The following RAVER1 variants were observed in gnomAD, a reference collection of about 807,000 sequenced individuals.
The protein encoded by RAVER1 is ribonucleoprotein, PTB binding 1.
A neutral mutation model predicts 68.4 loss-of-function variants in RAVER1; 36 were observed. That is an observed-to-expected ratio of 0.53 (90% CI 0.40 to 0.70). The LOEUF (loss-of-function observed/expected upper bound fraction) is 0.70, where lower values mean the gene tolerates loss of function less well. Among genes scored for constraint, RAVER1 ranks in the 30% least tolerant of loss-of-function variants. The pLI is 0.00. For missense variants in RAVER1, 933 were observed against 1,019.8 expected, an observed-to-expected ratio of 0.91 and a Z score of 1.16; for synonymous variants, 469 against 472.7, an observed-to-expected ratio of 0.99 and a Z score of 0.10.
chr19:10,318,382 A>G lies in RAVER1; in HGVS notation c.1846-10T>C, dbSNP rs1268002262. The G allele has an allele frequency of 4.4e-6, 7 of 1,589,394 alleles. No individual in the cohort carries two copies. The African/African-American group carries it at 9.5e-5, about 22-fold the overall frequency. ...TGGGCGGGGGGGACATCTGTAGAAG[A>G]AGGGCCGGTGGAGTGAAGCAGACAA... is the stretch of plus-strand genomic sequence containing the variant. On this transcript the variant is annotated splice_polypyrimidine_tract_variant and intron_variant, in intron 10 of 12. Coordinates refer to ENST00000617231, the MANE Select transcript of RAVER1 (RefSeq NM_133452.3).
intron 10 of RAVER1, among the ~76,000 whole-genome samples, chr19:10,318,905 T>TA (rs1451296932): frequency 5.3e-5 from 8 of 152,096 alleles, no homozygotes; most frequent in African/African-American, 1.9e-4. Flanking sequence ...CCTGGCATGG[T>TA]ATGGTGGCTC....
At chr19:10,318,847 G>C (rs1323957783) in intron 10 of RAVER1, among the ~76,000 whole-genome samples, 1 of 152,204 alleles carries the variant, frequency 6.6e-6, no homozygotes, top group Non-Finnish European at 1.5e-5. Context: ...CCAGGTGAGT[G>C]CCGGGGACCG....
chr19:10,319,416 C>T (rs1159958448), intron 9 of RAVER1, among the ~76,000 whole-genome samples, 176 bp from the exon 10 acceptor site: 1 of 152,234 alleles, frequency 6.6e-6, no homozygotes, highest in African/African-American at 2.4e-5. Context: ...AAGGGGGGTG[C>T]CCCCCATGGG....
At position 10,322,787 on chromosome 19, in the gene RAVER1, G is replaced by C; in HGVS notation, c.1079-48C>G. 2.6e-6 allele frequency: 3 copies of C among 1,145,598 alleles called. No homozygotes were observed. Among genetic ancestry groups the C allele is most frequent in the Non-Finnish European group, 3.5e-6 (3 of 846,838 alleles). 71.0% of individuals were successfully genotyped at this position (1,145,598 alleles called of 1,614,324 possible). The stretch of plus-strand genomic sequence containing the variant: ...GTGTGGGGGTCCCTGTGTCCTCCCT[G>C]CCCCACCTCACGAAACACAGCCCTG... On this transcript the variant is annotated intron_variant, in intron 5 of 12. Transcript: ENST00000617231. This position sits in a 1 kb window ranked among gnomAD's most constrained non-coding sequence, Gnocchi z 4.3.
rs1171709414 is a variant in RAVER1, at chr19:10,331,393, C to CAAAAAAAA, written c.220-875_220-868dup. ...AAAAAAAAAAAAAAAATAACAACAA[C>CAAAAAAAA]AAAAAAAAAAAAAAAAAAAGAGGCC... On this transcript the variant is annotated intron_variant, in intron 1 of 12. Coordinates refer to ENST00000617231, the MANE Select transcript of RAVER1 (RefSeq NM_133452.3). Among the ~76,000 whole-genome samples the CAAAAAAAA allele has an allele frequency of 2.3e-4, 11 of 48,512 alleles. 1 individual carries two copies. Among genetic ancestry groups the CAAAAAAAA allele is most frequent in the African/African-American group, 8.3e-4 (9 of 10,800 alleles). The allele number at this position is 48,512 out of a possible 152,430, so 31.8% of individuals were successfully genotyped here. A position where few individuals can be genotyped will look rare whatever the true frequency, so the allele number is the denominator to read the frequency against.
rs2040394929 is a variant in RAVER1 at position 10,317,060 on chromosome 19, AAG to A, written c.*392_*393del. 4.2e-6 allele frequency: 1 copy of A among 236,134 alleles called. No homozygotes were observed. The highest frequency in any genetic ancestry group is 2.4e-5 in the African/African-American group (1 of 42,302). The allele number at this position is 236,134 out of a possible 1,614,324, so 14.6% of individuals were successfully genotyped here. On this transcript the variant is annotated 3_prime_UTR_variant, in exon 13 of 13. Coordinates refer to ENST00000617231, the MANE Select transcript of RAVER1 (RefSeq NM_133452.3). This position sits in a 1 kb window ranked among gnomAD's most constrained non-coding sequence, Gnocchi z 4.3. ...AAGTCAGTTGTCAAAGTTAAAAAAA[AAG>A]GAGACAGTCTCTGTATCTTCACGGG...
In RAVER1 at chr19:10,322,851, G is replaced by A. The variant is rs75285055; in HGVS notation, c.1079-112C>T. The A allele has an allele frequency of 1.8e-4, 108 of 615,130 alleles. 1 individual carries two copies. Among genetic ancestry groups the A allele is most frequent in the Non-Finnish European group, 2.4e-4 (88 of 373,498 alleles). The allele number at this position is 615,130 out of a possible 1,614,324, so 38.1% of individuals were successfully genotyped here. Reference sequence around the variant, plus strand: ...GGCAGGAAACTGACACTCTGGGGCCGGGGGGTGGGCAGTGGACTTGCCCAA... The same window carrying A: ...GGCAGGAAACTGACACTCTGGGGCCAGGGGGTGGGCAGTGGACTTGCCCAA... On this transcript the variant is annotated intron_variant, in intron 5 of 12. Transcript: ENST00000617231. This position sits in a 1 kb window ranked among gnomAD's most constrained non-coding sequence, Gnocchi z 4.3.
chr19:10,320,876 G>A lies in RAVER1; in HGVS notation c.1549C>T (p.Pro517Ser). 1 of 1,512,966 alleles carries A rather than the reference G, an allele frequency of 6.6e-7. No individual in the cohort carries two copies. Among genetic ancestry groups the A allele is most frequent in the Non-Finnish European group, 8.8e-7 (1 of 1,137,108 alleles). 93.7% of individuals were successfully genotyped at this position (1,512,966 alleles called of 1,614,324 possible). A position where few individuals can be genotyped will look rare whatever the true frequency, so the allele number is the denominator to read the frequency against. ...NPYLNLHSLL[P>S]ASNLAGKEAR... ...TCCTTACCCGCCAGGTTGCTGGCCG[G>A]GAGCAGGCTGTGTAGGTTCAGGTAG... Residue 517 changes from proline (P) to serine (S), a missense_variant, in exon 9 of 13, where the codon CCG becomes TCG. Transcript: ENST00000617231.
At position 10,316,561 on chromosome 19, in the gene RAVER1, A is replaced by G. The variant is rs965355457; in HGVS notation, c.*893T>C. 4.1e-6 allele frequency: 4 copies of G among 986,616 alleles called. No individual in the cohort carries two copies. Among genetic ancestry groups the G allele is most frequent in the Admixed American group, 6.2e-5 (1 of 16,246 alleles). 61.1% of individuals were successfully genotyped at this position (986,616 alleles called of 1,614,324 possible). A position where few individuals can be genotyped will look rare whatever the true frequency, so the allele number is the denominator to read the frequency against. ...CTCCGGGAGATGGGCACAATGTCCG[A>G]CTCCCACAGACAGACAGCAGGGGAC... is the stretch of plus-strand genomic sequence containing the variant. On this transcript the variant is annotated 3_prime_UTR_variant, in exon 13 of 13. Coordinates refer to ENST00000617231, the MANE Select transcript of RAVER1 (RefSeq NM_133452.3).
rs369177875 is a variant in RAVER1, at chr19:10,317,720, G to A, written c.2043C>T (p.Pro681=). 6.9e-6 allele frequency: 11 copies of A among 1,595,170 alleles called. No homozygotes were observed. The highest frequency in any genetic ancestry group is 2.3e-5 in the East Asian group (1 of 44,268). The change falls in exon 12 of 13, where the codon CCC becomes CCT. Residue 681 remains proline (P), a synonymous_variant. Coordinates refer to ENST00000617231, the MANE Select transcript of RAVER1 (RefSeq NM_133452.3). The surrounding 1 kb of genome is among the most constrained non-coding windows in gnomAD (Gnocchi z 4.3). ...GCAGGTGGCTGTGACCATTAGGCCC[G>A]GGGCTGAGGCCCAGGAGCCCTTCTC... ...GSGEGLLGLS[P]GPNGHSHLLK...
intron 2 of RAVER1, 73 bp downstream of exon 2, chr19:10,330,387 G>C (rs2040505479): frequency 2.7e-6 from 2 of 747,862 alleles, no homozygotes; most frequent in Non-Finnish European, 4.8e-6. Context: ...CAGAGCAGCA[G>C]ACAGTGAGCC....
Position 10,318,253 on chromosome 19 carries a change from G to A in RAVER1, c.1965C>T (p.Gly655=). 6.2e-7 allele frequency: 1 copy of A among 1,605,962 alleles called. No homozygotes were observed. The highest frequency in any genetic ancestry group is 8.5e-7 in the Non-Finnish European group (1 of 1,176,956). The stretch of plus-strand genomic sequence containing the variant: ...CCTTACTGAGGTGGCTCTGCTTGAG[G>A]CCAGCCTGCAGGCCGCTGGTGAAGT... ...TSYFTSGLQA[G]LKQSHLSKAI... Residue 655 remains glycine (G), a synonymous_variant, in exon 11 of 13, where the codon GGC becomes GGT. Transcript: ENST00000617231.
At position 10,317,420 on chromosome 19, in the gene RAVER1, T is replaced by C; in HGVS notation, c.*34A>G. 3 of 1,609,764 alleles carry C rather than the reference T, an allele frequency of 1.9e-6. No homozygotes were observed. The highest frequency in any genetic ancestry group is 1.7e-6 in the Non-Finnish European group (2 of 1,176,262). ...ATCAGAAAACCCAAAAGCGATTTGG[T>C]GCAGGCCCTTGAGTTATCTCTGGTG... On this transcript the variant is annotated 3_prime_UTR_variant, in exon 13 of 13. Coordinates refer to ENST00000617231, the MANE Select transcript of RAVER1 (RefSeq NM_133452.3). The surrounding 1 kb of genome is among the most constrained non-coding windows in gnomAD (Gnocchi z 4.3).
rs202215753 is a variant in RAVER1, at chr19:10,333,473, G to A, written c.35C>T (p.Pro12Leu). 3.7e-6 allele frequency: 6 copies of A among 1,610,046 alleles called. No homozygotes were observed. Among genetic ancestry groups the A allele is most frequent in the Non-Finnish European group, 5.1e-6 (6 of 1,179,162 alleles). Residue 12 changes from proline (P) to leucine (L), a missense_variant, in exon 1 of 13, where the codon CCG (proline) becomes CTG (leucine). By Grantham distance (98) the Pro-to-Leu change is moderately conservative (BLOSUM62 -3). Coordinates refer to ENST00000617231, the MANE Select transcript of RAVER1 (RefSeq NM_133452.3). This position sits in a 1 kb window ranked among gnomAD's most constrained non-coding sequence, Gnocchi z 4.2. ...TTCGGCCCCAGACTTAGGGCTCAGC[G>A]GGGGCCGGTGAGTAACGGACACGTC... ...AADVSVTHRP[P>L]LSPKSGAEVE...
chr19:10,325,077 G>A (rs1454135475), intron 3 of RAVER1, among the ~76,000 whole-genome samples: 2 of 151,902 alleles, frequency 1.3e-5, no homozygotes, highest in African/African-American at 4.8e-5. Context: ...CTGGAGTGCG[G>A]TGGCATGATC....
Position 10,329,155 on chromosome 19 carries a change from G to A in RAVER1, c.287-44C>T. ...AGTGCGAGGTCAGCCGGGCCCTGAG[G>A]GCCTGCCCCTCCACCCCGCCACCCT... is the stretch of plus-strand genomic sequence containing the variant. On this transcript the variant is annotated intron_variant, in intron 2 of 12. Coordinates refer to ENST00000617231, the MANE Select transcript of RAVER1 (RefSeq NM_133452.3). This position sits in a 1 kb window ranked among gnomAD's most constrained non-coding sequence, Gnocchi z 4.6. The A allele has an allele frequency of 8.0e-7, 1 of 1,253,788 alleles. No individual in the cohort carries two copies. Among genetic ancestry groups the A allele is most frequent in the Non-Finnish European group, 1.1e-6 (1 of 922,312 alleles). 77.7% of individuals were successfully genotyped at this position (1,253,788 alleles called of 1,614,324 possible).
Position 10,322,908 on chromosome 19 carries a change from C to T in RAVER1, c.1079-169G>A, listed in dbSNP as rs78680617. 3.0e-4 allele frequency among the ~76,000 whole-genome samples: 45 copies of T among 152,058 alleles called. No homozygotes were observed. The highest frequency in any genetic ancestry group is 1.0e-3 in the African/African-American group (42 of 41,386). On this transcript the variant is annotated intron_variant, in intron 5 of 12. Transcript: ENST00000617231. The surrounding 1 kb of genome is among the most constrained non-coding windows in gnomAD (Gnocchi z 4.3). Reference sequence around the variant, plus strand: ...GGCCTAGAAGGGGCAGAGGCTACTCCAGTGAAGGTCAGCCCCCTCTTGTCA... The same window carrying T: ...GGCCTAGAAGGGGCAGAGGCTACTCTAGTGAAGGTCAGCCCCCTCTTGTCA...
rs1418581905 is a variant in RAVER1 at position 10,321,151 on chromosome 19, G to T, written c.1370C>A (p.Pro457His). The change falls in exon 8 of 13, where the codon CCC becomes CAC. Residue 457 changes from proline (P) to histidine (H), a missense_variant. This residue lies in a region of RAVER1 where 699 missense variants were observed against 731.1 expected (regional missense o/e 0.96). Coordinates refer to ENST00000617231, the MANE Select transcript of RAVER1 (RefSeq NM_133452.3). ...GGDREALGLG[P>H]PAAQLTPPPA... is the part of the protein sequence containing the mutation. ...GGGAGGAGTGAGCTGGGCCGCTGGG[G>T]GACCCAAGCCCAGGGCCTCCCGGTC... 2 of 1,286,552 alleles carry T rather than the reference G, an allele frequency of 1.6e-6. No homozygotes were observed. Among genetic ancestry groups the T allele is most frequent in the Non-Finnish European group, 2.0e-6 (2 of 1,014,666 alleles). The allele number at this position is 1,286,552 out of a possible 1,614,324, so 79.7% of individuals were successfully genotyped here.
Position 10,328,923 on chromosome 19 carries a change from C to T in RAVER1, c.475G>A (p.Glu159Lys), listed in dbSNP as rs2040494711. ...TCACTGTAGACCAGGAAGCAGCGCT[C>T]CAGGCTGCCGAAGGGCCGCACCAGC... is the stretch of plus-strand genomic sequence containing the variant. Reference protein sequence around the residue: ...EELVRPFGSLERCFLVYSERT... With the variant: ...EELVRPFGSLKRCFLVYSERT... Residue 159 changes from glutamate to lysine, a missense_variant, in exon 3 of 13, where the codon GAG (glutamate) becomes AAG (lysine). By Grantham distance (56) the Glu-to-Lys change is moderately conservative. Coordinates refer to ENST00000617231, the MANE Select transcript of RAVER1 (RefSeq NM_133452.3). This position sits in a 1 kb window ranked among gnomAD's most constrained non-coding sequence, Gnocchi z 4.4. 6.2e-7 allele frequency: 1 copy of T among 1,611,564 alleles called. No homozygotes were observed. The highest frequency in any genetic ancestry group is 8.5e-7 in the Non-Finnish European group (1 of 1,178,608).
Sources: gnomAD v4.1 joint callset for allele counts (sites outside exome capture counted in the v4.1 genomes callset) on GRCh38, gnomAD v4.1.1 for gene constraint, gnomAD v4.1.1 regional missense constraint, Gnocchi (gnomAD v3.1) non-coding constraint, MANE v1.5 for transcripts, NCBI Gene and HGNC (gene_info 2026-07-23, HGNC 2026-07-21) for gene names.